Variants in RIOK2 observed in about 807,000 individuals in gnomAD.
RIOK2 encodes RIO kinase 2.
A neutral mutation model predicts 62.4 loss-of-function variants in RIOK2; 46 were observed. The observed-to-expected ratio is 0.74, with a 90% CI of 0.58 to 0.94. The LOEUF (loss-of-function observed/expected upper bound fraction) is 0.94, where lower values mean the gene tolerates loss of function less well. Ranked by LOEUF, RIOK2 falls within the 40% of genes least tolerant of loss-of-function variation. The probability of loss-of-function intolerance (pLI) is 0.00; values close to 1 mark genes in which losing one functional copy is unlikely to be tolerated. For missense variants in RIOK2, 574 were observed against 658.0 expected (o/e 0.87, Z 1.40); for synonymous variants, 197 against 216.0 (o/e 0.91, Z 0.77).
intron 3 of RIOK2, 73 bp downstream of exon 3, chr5:97,177,659 G>A: frequency 1.1e-6 from 1 of 926,156 alleles, no homozygotes; most frequent in East Asian, 2.5e-5. Flanking sequence ...AAAATTAAAA[G>A]AGGAAAGGTT....
intron 4 of RIOK2, among the ~76,000 whole-genome samples, chr5:97,176,326 T>C (rs1749161147): frequency 6.6e-6 from 1 of 152,170 alleles, no homozygotes; most frequent in Non-Finnish European, 1.5e-5. Flanking sequence ...CCTTACCTCT[T>C]AAAAACTAAA....
intron 9 of RIOK2, among the ~76,000 whole-genome samples, chr5:97,164,430 G>A (rs1012590815): frequency 2.0e-5 from 3 of 152,022 alleles, no homozygotes; most frequent in African/African-American, 7.2e-5. Context: ...GAACCCAGGA[G>A]GCGGAGGTTG....
chr5:97,162,688 A>C lies in RIOK2; in HGVS notation c.*373T>G, dbSNP rs1260875315. On this transcript the variant is annotated 3_prime_UTR_variant, in exon 10 of 10. Coordinates refer to ENST00000283109, the MANE Select transcript of RIOK2 (RefSeq NM_018343.3). ...TCAGCAGAATTTCAGAATCATTATGATTCTAATAGCCATGTTTTATTGAAT... is the reference window on the plus strand; with the variant it reads ...TCAGCAGAATTTCAGAATCATTATGCTTCTAATAGCCATGTTTTATTGAAT... 1 of 158,580 alleles carries C rather than the reference A, an allele frequency of 6.3e-6. No individual in the cohort carries two copies. The highest frequency in any genetic ancestry group is 1.4e-5 in the Non-Finnish European group (1 of 72,572). 9.8% of individuals were successfully genotyped at this position (158,580 alleles called of 1,614,324 possible).
chr5:97,165,134 C>A lies in RIOK2; in HGVS notation c.1411G>T (p.Val471Leu). The A allele has an allele frequency of 6.9e-7, 1 of 1,451,398 alleles. No homozygotes were observed. Among genetic ancestry groups the A allele is most frequent in the Non-Finnish European group, 9.2e-7 (1 of 1,092,132 alleles). 89.9% of individuals were successfully genotyped at this position (1,451,398 alleles called of 1,614,324 possible). ...EFRPFRDEEN[V>L]GAMNQYRTRT... ...GTTCTATACTGATTCATAGCTCCCA[C>A]ATTTTCTTCATCTCTAAAATTAAAA... Residue 471 changes from valine to leucine, a missense_variant, in exon 9 of 10, where the codon GTG becomes TTG. Coordinates refer to ENST00000283109, the MANE Select transcript of RIOK2 (RefSeq NM_018343.3).
At chr5:97,167,314 T>C in intron 8 of RIOK2, 153 bp downstream of exon 8, 1 of 1,448,836 alleles carries the variant, frequency 6.9e-7, no homozygotes, top group Non-Finnish European at 9.1e-7. Flanking sequence ...TTTGAGTTTT[T>C]AACAACAAAA....
intron 1 of RIOK2, chr5:97,182,916 C>T: frequency 3.2e-6 from 2 of 616,606 alleles, no homozygotes; most frequent in Non-Finnish European, 5.8e-6. Context: ...TATTAGAAGA[C>T]GGGACCTTTG....
At chr5:97,174,615 T>A (rs1367915847) in intron 4 of RIOK2, among the ~76,000 whole-genome samples, 1 of 152,054 alleles carries the variant, frequency 6.6e-6, no homozygotes, top group East Asian at 1.9e-4. Flanking sequence ...CATAGATTCA[T>A]GTCATTGCCC....
chr5:97,175,528 T>C (rs116283088), intron 4 of RIOK2, among the ~76,000 whole-genome samples: 78 of 152,334 alleles, frequency 5.1e-4, no homozygotes, highest in South Asian at 1.0e-3. Context: ...ACTACCCTTT[T>C]GGGAAAATGT....
At chr5:97,169,071 A>G (rs1748924800) in intron 6 of RIOK2, among the ~76,000 whole-genome samples, 1 of 152,222 alleles carries the variant, frequency 6.6e-6, no homozygotes, top group Admixed American at 6.5e-5. Context: ...AATGCCATGC[A>G]GTTCCTACGG....
Position 97,183,144 on chromosome 5 carries a change from G to T in RIOK2, c.48C>A (p.Asp16Glu), listed in dbSNP as rs145595894. 2 of 1,613,960 alleles carry T rather than the reference G, an allele frequency of 1.2e-6. No homozygotes were observed. The highest frequency in any genetic ancestry group is 1.7e-6 in the Non-Finnish European group (2 of 1,179,996). The change falls in exon 1 of 10, where the codon GAC becomes GAA. Residue 16 changes from aspartate to glutamate, a missense_variant. By Grantham distance (45) the Asp-to-Glu change is conservative (BLOSUM62 2). Transcript: ENST00000283109. The part of the protein sequence containing the change: ...VAKLRYMSRD[D>E]FRVLTAVEMG... The stretch of plus-strand genomic sequence containing the variant: ...TTCTTACCGCGGTCAAGACCCTGAA[G>T]TCATCTCGGCTCATGTAACGCAACT...
At chr5:97,170,807 T>A (rs969930498) in intron 6 of RIOK2, among the ~76,000 whole-genome samples, 18 of 151,920 alleles carry the variant, frequency 1.2e-4, no homozygotes, top group African/African-American at 3.9e-4. Flanking sequence ...AATTGAAAAA[T>A]TATGAAAAAA....
At chr5:97,179,771 G>T in intron 1 of RIOK2, among the ~76,000 whole-genome samples, 1 of 124,034 alleles carries the variant, frequency 8.1e-6, no homozygotes, top group Non-Finnish European at 1.7e-5. Flanking sequence ...GTAAGAATAC[G>T]TGGACACAGA....
intron 4 of RIOK2, among the ~76,000 whole-genome samples, chr5:97,175,402 C>T (rs537524564): frequency 6.6e-6 from 1 of 152,192 alleles, no homozygotes; most frequent in Non-Finnish European, 1.5e-5. Flanking sequence ...CATGCTATAG[C>T]CCAATCTTTA....
At chr5:97,166,453 C>A in intron 8 of RIOK2, 1 of 280,986 alleles carries the variant, frequency 3.6e-6, no homozygotes, top group Non-Finnish European at 7.2e-6. Context: ...AGATATAAGC[C>A]CAAACATGTA....
Sources: allele counts gnomAD v4.1 joint callset (sites outside exome capture counted in the v4.1 genomes callset), GRCh38; gene constraint gnomAD v4.1.1; transcripts MANE v1.5; gene names NCBI Gene and HGNC (gene_info 2026-07-23, HGNC 2026-07-21).